The following SGCZ variants were observed in gnomAD, a reference collection of about 807,000 sequenced individuals.
SGCZ encodes zeta-sarcoglycan.
Under a neutral mutation model 41.3 loss-of-function variants are expected in SGCZ, and 40 were observed. That is an observed-to-expected ratio of 0.97 (90% CI 0.75 to 1.26). SGCZ has a LOEUF of 1.26. Ranked by LOEUF, SGCZ falls within the 50% of genes most tolerant of loss-of-function variation. The pLI, the probability that SGCZ is intolerant of heterozygous loss-of-function variation, is 0.00. For missense variants in SGCZ, 552 were observed against 369.8 expected (o/e 1.49, Z -4.04); for synonymous variants, 206 against 137.5 (o/e 1.50, Z -3.49).
chr8:14,623,954 G>T (rs1806365883), intron 1 of SGCZ, among the ~76,000 whole-genome samples: 2 of 152,138 alleles, frequency 1.3e-5, no homozygotes, highest in African/African-American at 4.8e-5. Flanking sequence ...CTGAAATTTT[G>T]TGTTGCTTTG....
intron 1 of SGCZ, among the ~76,000 whole-genome samples, chr8:14,745,549 C>T (rs1276667651): frequency 6.6e-6 from 1 of 151,966 alleles, no homozygotes; most frequent in East Asian, 1.9e-4. Context: ...GCTACTGTAC[C>T]AGGTGACAGA....
At chr8:14,880,826 A>T (rs1804559273) in intron 1 of SGCZ, among the ~76,000 whole-genome samples, 1 of 152,156 alleles carries the variant, frequency 6.6e-6, no homozygotes, top group Admixed American at 6.5e-5. Flanking sequence ...TGGGGGTGGG[A>T]TAGCATTAGG....
At chr8:14,139,391 C>A (rs1803298207) in intron 5 of SGCZ, among the ~76,000 whole-genome samples, 1 of 151,862 alleles carries the variant, frequency 6.6e-6, no homozygotes, top group Admixed American at 6.6e-5. Flanking sequence ...TTCAAAAAAT[C>A]AATGAATCCA....
intron 5 of SGCZ, among the ~76,000 whole-genome samples, chr8:14,126,426 G>C (rs541574938): frequency 2.0e-4 from 31 of 151,896 alleles, no homozygotes; most frequent in African/African-American, 7.2e-4. Context: ...ACCACAGTGA[G>C]ATACCATATT....
chr8:14,359,310 G>A (rs1385723827), intron 2 of SGCZ, among the ~76,000 whole-genome samples: 4 of 152,054 alleles, frequency 2.6e-5, no homozygotes, highest in Non-Finnish European at 5.9e-5. Context: ...TGTTCACATT[G>A]AGTACACTAT....
chr8:15,154,011 C>T (rs117488943), intron 1 of SGCZ, among the ~76,000 whole-genome samples: 3 of 152,068 alleles, frequency 2.0e-5, no homozygotes, highest in Non-Finnish European at 2.9e-5. Context: ...GCACGGTTCA[C>T]GATAGAGTTT....
At chr8:14,936,066 T>G (rs568212865) in intron 1 of SGCZ, among the ~76,000 whole-genome samples, 1 of 151,946 alleles carries the variant, frequency 6.6e-6, no homozygotes, top group Admixed American at 6.6e-5. Context: ...ACTTTAAATA[T>G]TCAAAATTGC....
At chr8:14,130,989 C>G (rs1449504909) in intron 5 of SGCZ, among the ~76,000 whole-genome samples, 1 of 152,190 alleles carries the variant, frequency 6.6e-6, no homozygotes, top group African/African-American at 2.4e-5. Context: ...CTGTGTAAAT[C>G]AGATACCACC....
intron 5 of SGCZ, among the ~76,000 whole-genome samples, chr8:14,118,822 C>A (rs1174013532): frequency 2.0e-5 from 3 of 152,130 alleles, no homozygotes; most frequent in Admixed American, 1.3e-4. Flanking sequence ...ATAGGGAATC[C>A]TTTTCCAATT....
At chr8:15,115,979 C>G (rs964193932) in intron 1 of SGCZ, among the ~76,000 whole-genome samples, 1 of 152,172 alleles carries the variant, frequency 6.6e-6, no homozygotes, top group Non-Finnish European at 1.5e-5. Context: ...TTAGGTTTCA[C>G]AAGCCATATG....
chr8:14,164,742 C>T lies in SGCZ; in HGVS notation c.425-40G>A, dbSNP rs141038823. 3.1e-6 allele frequency: 5 copies of T among 1,604,692 alleles called. No individual in the cohort carries two copies. In the African/African-American group the frequency reaches 6.7e-5, roughly 22 times the overall value. ...AAGGTTTAAAAATGAAACTGGTATGCAGGAAACCATTAACATGTATTTTTT... is the reference window on the plus strand; with the variant it reads ...AAGGTTTAAAAATGAAACTGGTATGTAGGAAACCATTAACATGTATTTTTT... On this transcript the variant is annotated intron_variant, in intron 4 of 7. Coordinates refer to ENST00000382080, the MANE Select transcript of SGCZ (RefSeq NM_139167.4).
chr8:14,328,618 A>C (rs1802205699), intron 2 of SGCZ, among the ~76,000 whole-genome samples: 1 of 152,098 alleles, frequency 6.6e-6, no homozygotes, highest in Non-Finnish European at 1.5e-5. Flanking sequence ...TCTTATAAAA[A>C]CTCATGTTAT....
intron 2 of SGCZ, among the ~76,000 whole-genome samples, chr8:14,376,615 A>G (rs1308127976): frequency 1.3e-5 from 2 of 152,290 alleles, no homozygotes; most frequent in East Asian, 1.9e-4. Context: ...TCCAAATGCT[A>G]CATAAGTTGT....
intron 1 of SGCZ, among the ~76,000 whole-genome samples, chr8:14,899,474 C>T: frequency 6.6e-6 from 1 of 152,206 alleles, no homozygotes; most frequent in East Asian, 1.9e-4. Context: ...AGAGAAGGTG[C>T]TACAAAGTTG....
chr8:14,515,574 T>A (rs1427440009), intron 2 of SGCZ, among the ~76,000 whole-genome samples: 1 of 152,086 alleles, frequency 6.6e-6, no homozygotes, highest in African/African-American at 2.4e-5. Flanking sequence ...TAATACTTTT[T>A]AGTTTATTTA....
chr8:14,364,872 C>G (rs1410159454), intron 2 of SGCZ, among the ~76,000 whole-genome samples: 1 of 152,088 alleles, frequency 6.6e-6, no homozygotes, highest in African/African-American at 2.4e-5. Context: ...TCAAGTCTAA[C>G]ACATAAAATA....
intron 1 of SGCZ, among the ~76,000 whole-genome samples, chr8:14,867,919 A>G (rs1238267359): frequency 6.9e-6 from 1 of 144,090 alleles, no homozygotes; most frequent in Non-Finnish European, 1.5e-5. Flanking sequence ...TTAAAAGTTA[A>G]AAAAAAAAAA....
At chr8:14,091,279 G>A (rs1022905077) in intron 7 of SGCZ, among the ~76,000 whole-genome samples, 1 of 151,720 alleles carries the variant, frequency 6.6e-6, no homozygotes, top group Non-Finnish European at 1.5e-5. Context: ...CTATTGTGAA[G>A]AGTGCCGCAA....
At chr8:15,234,767 A>T (rs1204148169) in intron 1 of SGCZ, among the ~76,000 whole-genome samples, 3 of 152,162 alleles carry the variant, frequency 2.0e-5, no homozygotes, top group Non-Finnish European at 2.9e-5. Context: ...GCAAAAAATA[A>T]AAAAATTGTT....
Sources: gnomAD v4.1 joint callset for allele counts (sites outside exome capture counted in the v4.1 genomes callset) on GRCh38, gnomAD v4.1.1 for gene constraint, MANE v1.5 for transcripts, NCBI Gene and HGNC (gene_info 2026-07-23, HGNC 2026-07-21) for gene names.